VWA3B: variants seen among roughly 807,000 people sequenced by gnomAD.
The protein encoded by VWA3B is von Willebrand factor A domain containing 3B, also known as von Willebrand factor A domain-containing protein 3B.
VWA3B carries 138 observed loss-of-function variants against 158.3 expected under a neutral mutation model. The observed-to-expected ratio is 0.87, with a 90% CI of 0.76 to 1.00. VWA3B has a LOEUF of 1.00. Among genes scored for constraint, VWA3B ranks in the 50% least tolerant of loss-of-function variants. VWA3B has a pLI of 0.00. For synonymous variants in VWA3B, 596 were observed against 587.3 expected (o/e 1.01, Z -0.21); for missense variants, 1,555 against 1,565.1 (o/e 0.99, Z 0.11).
At chr2:98,179,287 C>T (rs1680268143) in intron 8 of VWA3B, 1 of 471,058 alleles carries the variant, frequency 2.1e-6, no homozygotes. Flanking sequence ...TAGTTTTCTG[C>T]TTGTGTGATA....
At chr2:98,194,741 T>G (rs1374197386) in intron 12 of VWA3B, among the ~76,000 whole-genome samples, 1 of 152,210 alleles carries the variant, frequency 6.6e-6, no homozygotes, top group African/African-American at 2.4e-5. Flanking sequence ...TGCCCTTGGC[T>G]CAGGTTGAAG....
chr2:98,309,119 G>A (rs1036551748), intron 26 of VWA3B, among the ~76,000 whole-genome samples: 6 of 144,326 alleles, frequency 4.2e-5, no homozygotes, highest in African/African-American at 1.6e-4. Flanking sequence ...GCCATGAGCC[G>A]AGATCACACC....
intron 20 of VWA3B, among the ~76,000 whole-genome samples, chr2:98,254,485 A>T (rs1358380964): frequency 6.6e-6 from 1 of 152,208 alleles, no homozygotes; most frequent in Non-Finnish European, 1.5e-5. Context: ...CTTAATCATT[A>T]TTACCTGAAT....
At chr2:98,111,749 T>G (rs1360349404) in intron 2 of VWA3B, among the ~76,000 whole-genome samples, 1 of 152,170 alleles carries the variant, frequency 6.6e-6, no homozygotes, top group Non-Finnish European at 1.5e-5. Flanking sequence ...GGGGTTATTT[T>G]TTGCTTGCTG....
At chr2:98,305,527 T>C (rs376310611) in intron 26 of VWA3B, among the ~76,000 whole-genome samples, 148 of 152,254 alleles carry the variant, frequency 9.7e-4, no homozygotes, top group Non-Finnish European at 1.9e-3. Context: ...AAGGGCATTG[T>C]TTCCAACCAC....
chr2:98,286,754 G>T (rs1268564680), intron 22 of VWA3B, among the ~76,000 whole-genome samples: 1 of 152,050 alleles, frequency 6.6e-6, no homozygotes, highest in African/African-American at 2.4e-5. Flanking sequence ...TGATATATTT[G>T]TCTGGTTTGG....
At chr2:98,089,615 G>A (rs1358785838) in intron 1 of VWA3B, among the ~76,000 whole-genome samples, 3 of 151,164 alleles carry the variant, frequency 2.0e-5, no homozygotes, top group African/African-American at 7.3e-5. Context: ...TCCTTCTGTT[G>A]GGAGATGGCT....
chr2:98,325,266 A>G, the VWA3B span, among the ~76,000 whole-genome samples: 3 of 152,204 alleles, frequency 2.0e-5, no homozygotes, highest in African/African-American at 7.2e-5. Flanking sequence ...AAAAATCTTG[A>G]CAGCTGCCAG....
chr2:98,229,371 C>G (rs1014213600), intron 15 of VWA3B, among the ~76,000 whole-genome samples: 2 of 152,212 alleles, frequency 1.3e-5, no homozygotes, highest in Non-Finnish European at 2.9e-5. Context: ...GGCAGGTGCT[C>G]CACGGAGGCG....
In VWA3B at chr2:98,162,933, G is replaced by A. The variant is rs1678744768; in HGVS notation, c.1071G>A (p.Leu357=). ...GCACGCTGGCCCAGATCCAGAGGCTGGTGGCCGAGCCTCCCAAGCCCGACG... is the reference window on the plus strand; with the variant it reads ...GCACGCTGGCCCAGATCCAGAGGCTAGTGGCCGAGCCTCCCAAGCCCGACG... ...ACSTLAQIQR[L]VAEPPKPDVA... is the part of the protein sequence containing the mutation. Residue 357 remains leucine (L), a synonymous_variant, in exon 8 of 28, where the codon CTG becomes CTA. Transcript: ENST00000477737. 3 of 1,613,988 alleles carry A rather than the reference G, an allele frequency of 1.9e-6. No homozygotes were observed. The highest frequency in any genetic ancestry group is 2.5e-6 in the Non-Finnish European group (3 of 1,180,052).
intron 26 of VWA3B, among the ~76,000 whole-genome samples, chr2:98,305,617 C>T (rs929824713): frequency 2.0e-5 from 3 of 152,142 alleles, no homozygotes; most frequent in Admixed American, 2.0e-4. Flanking sequence ...TCCCCACAAA[C>T]CTGCTCCCAT....
chr2:98,302,686 C>T (rs1421914192), intron 25 of VWA3B, among the ~76,000 whole-genome samples: 3 of 152,186 alleles, frequency 2.0e-5, no homozygotes, highest in African/African-American at 7.2e-5. Context: ...GGTTAAAGCA[C>T]ACACCTGGTG....
chr2:98,107,007 G>A (rs1159512089), intron 2 of VWA3B, among the ~76,000 whole-genome samples: 1 of 152,106 alleles, frequency 6.6e-6, no homozygotes, highest in East Asian at 1.9e-4. Flanking sequence ...AAATTATATT[G>A]TGGAAGGTCC....
chr2:98,274,651 G>C (rs1312454694), intron 22 of VWA3B, among the ~76,000 whole-genome samples: 4 of 152,178 alleles, frequency 2.6e-5, no homozygotes, highest in African/African-American at 9.7e-5. Context: ...ACTCTGTTGG[G>C]GTCAGGAACT....
At chr2:98,118,644 G>C (rs62154874) in intron 3 of VWA3B, among the ~76,000 whole-genome samples, 10 of 151,954 alleles carry the variant, frequency 6.6e-5, no homozygotes, top group Admixed American at 5.9e-4. Context: ...GACAGTGATC[G>C]GGATATAAAC....
intron 8 of VWA3B, among the ~76,000 whole-genome samples, 158 bp downstream of exon 8, chr2:98,163,134 G>T (rs1430084533): frequency 6.6e-6 from 1 of 152,218 alleles, no homozygotes; most frequent in Non-Finnish European, 1.5e-5. Flanking sequence ...GAGGGGTGGG[G>T]AGGGGGCTGA....
chr2:98,324,244 T>A, the VWA3B span, among the ~76,000 whole-genome samples: 1 of 151,964 alleles, frequency 6.6e-6, no homozygotes, highest in African/African-American at 2.4e-5. Context: ...CTCACTGCAA[T>A]CTCTGCCTCC....
At chr2:98,278,866 C>T (rs1002675698) in intron 22 of VWA3B, among the ~76,000 whole-genome samples, 1 of 152,210 alleles carries the variant, frequency 6.6e-6, no homozygotes, top group East Asian at 1.9e-4. Context: ...GCCTTCTACC[C>T]AGTATTTCCC....
chr2:98,120,670 A>C (rs1674887495), intron 4 of VWA3B, among the ~76,000 whole-genome samples: 1 of 152,256 alleles, frequency 6.6e-6, no homozygotes, highest in South Asian at 2.1e-4. Context: ...TATCAAGTGC[A>C]AATAAATTGA....
Sources: gnomAD v4.1 joint callset for allele counts (sites outside exome capture counted in the v4.1 genomes callset) on GRCh38, gnomAD v4.1.1 for gene constraint, MANE v1.5 for transcripts, NCBI Gene and HGNC (gene_info 2026-07-23, HGNC 2026-07-21) for gene names.